The following AUH variants were observed in gnomAD, a reference collection of about 807,000 sequenced individuals.
AUH encodes the protein methylglutaconyl-CoA hydratase, mitochondrial.
A neutral mutation model predicts 42.3 loss-of-function variants in AUH; 29 were observed. That is an observed-to-expected ratio of 0.69 (90% CI 0.51 to 0.93). The LOEUF (loss-of-function observed/expected upper bound fraction) is 0.93. AUH is among the 40% of genes least tolerant of loss of function. The probability of loss-of-function intolerance (pLI) is 0.00; values close to 1 mark genes in which losing one functional copy is unlikely to be tolerated. For missense variants in AUH, 452 were observed against 438.1 expected, an observed-to-expected ratio of 1.03 and a Z score of -0.28; for synonymous variants, 174 against 166.4, an observed-to-expected ratio of 1.05 and a Z score of -0.35.
In AUH at chr9:91,292,664, C is replaced by T. The variant is rs372009928; in HGVS notation, c.655+3357G>A. ...ACACATTTAAATGCACGCATAAAAG[C>T]TTTAAAATATTTGTGTAATCCTTTA... On this transcript the variant is annotated intron_variant, in intron 6 of 9. Transcript: ENST00000375731. 1.6e-4 allele frequency among the ~76,000 whole-genome samples: 24 copies of T among 152,128 alleles called. No individual in the cohort carries two copies. In the East Asian group the frequency reaches 3.9e-3, roughly 25 times the overall value.
intron 3 of AUH, among the ~76,000 whole-genome samples, chr9:91,350,257 A>G (rs1399972830): frequency 6.6e-6 from 1 of 152,244 alleles, no homozygotes; most frequent in Non-Finnish European, 1.5e-5. Flanking sequence ...ATAAAATTTT[A>G]AGAACTTTAA....
intron 3 of AUH, among the ~76,000 whole-genome samples, chr9:91,349,212 G>A (rs1223728702): frequency 6.6e-6 from 1 of 152,238 alleles, no homozygotes; most frequent in Admixed American, 6.5e-5. Context: ...TTAGTGACAA[G>A]TCACTCTTTA....
intron 6 of AUH, among the ~76,000 whole-genome samples, chr9:91,271,929 G>A (rs1283458885): frequency 1.3e-5 from 2 of 152,150 alleles, no homozygotes; most frequent in African/African-American, 2.4e-5. Flanking sequence ...TGATCCACCC[G>A]CCTCGGCCTC....
rs757748207 is a variant in AUH at position 91,220,992 on chromosome 9, CCT to C, written c.656-2_656-1del. ...GGCGCGTGGCAATCGCTGTGTCCCCCCTGAGGGGTGAAAGAGAGAGAAAAGGC... is the reference window on the plus strand; with the variant it reads ...GGCGCGTGGCAATCGCTGTGTCCCCCGAGGGGTGAAAGAGAGAGAAAAGGC... On this transcript the variant is annotated splice_acceptor_variant, in intron 6 of 9. Transcript: ENST00000375731. LOFTEE classifies it high-confidence loss of function. 1.2e-5 allele frequency: 19 copies of C among 1,613,964 alleles called. No homozygotes were observed. The highest frequency in any genetic ancestry group is 1.1e-5 in the Non-Finnish European group (13 of 1,180,016).
rs1829588813 is a variant in AUH at position 91,321,715 on chromosome 9, T to C, written c.505+3603A>G. ...CAAACCTGTGAGCTAAGAATGGTTT[T>C]TACATTTTTAAATGCCTGGGGAAAA... On this transcript the variant is annotated intron_variant, in intron 4 of 9. Transcript: ENST00000375731. 2.0e-5 allele frequency among the ~76,000 whole-genome samples: 3 copies of C among 152,220 alleles called. No individual in the cohort carries two copies. The South Asian group carries it at 6.2e-4, about 31-fold the overall frequency.
intron 6 of AUH, among the ~76,000 whole-genome samples, chr9:91,269,043 C>T (rs183717179): frequency 1.3e-5 from 2 of 151,800 alleles, no homozygotes; most frequent in Admixed American, 6.6e-5. Flanking sequence ...CACAGTGGTG[C>T]GATCTTGGCT....
At chr9:91,325,485 A>AATCTAGTT in intron 3 of AUH, 81 bp from the exon 4 acceptor site, 1 of 1,142,178 alleles carries the variant, frequency 8.8e-7, no homozygotes, top group Non-Finnish European at 1.3e-6. Flanking sequence ...ACTTAAGATT[A>AATCTAGTT]GTATACAACT....
At chr9:91,266,892 T>C (rs1830006565) in intron 6 of AUH, among the ~76,000 whole-genome samples, 1 of 152,192 alleles carries the variant, frequency 6.6e-6, no homozygotes. Flanking sequence ...TTATAAAAAA[T>C]TATTAAACTG....
At chr9:91,355,420 G>A (rs1832329543) in intron 3 of AUH, among the ~76,000 whole-genome samples, 1 of 152,106 alleles carries the variant, frequency 6.6e-6, no homozygotes, top group African/African-American at 2.4e-5. Context: ...AGCTAGGCGA[G>A]GTGGCAGGCG....
intron 6 of AUH, among the ~76,000 whole-genome samples, chr9:91,255,100 G>A (rs183882221): frequency 1.1e-4 from 16 of 152,222 alleles, no homozygotes; most frequent in Non-Finnish European, 2.1e-4. Context: ...TTCTCATCTC[G>A]GCCAGAGGTT....
At chr9:91,249,327 C>T (rs1292170319) in intron 6 of AUH, among the ~76,000 whole-genome samples, 1 of 89,556 alleles carries the variant, frequency 1.1e-5, no homozygotes, top group Non-Finnish European at 2.3e-5. Flanking sequence ...AAAAAAAGAA[C>T]ACAATATTTC....
chr9:91,259,773 T>G (rs2131434924), intron 6 of AUH, among the ~76,000 whole-genome samples: 1 of 152,254 alleles, frequency 6.6e-6, no homozygotes, highest in South Asian at 2.1e-4. Context: ...CTAATTTAAT[T>G]CCACTGGTGT....
rs1051595442 is a variant in AUH at position 91,288,711 on chromosome 9, T to G, written c.655+7310A>C. ...CTACTTAAGGAGGTTCGATTTTGTT[T>G]TAATGTTTCCACATTCCTTCACGTC... On this transcript the variant is annotated intron_variant, in intron 6 of 9. Transcript: ENST00000375731. 1.1e-4 allele frequency among the ~76,000 whole-genome samples: 17 copies of G among 152,316 alleles called. No individual in the cohort carries two copies. In the South Asian group the frequency reaches 2.9e-3, roughly 26 times the overall value.
chr9:91,346,994 A>T (rs985778572), intron 3 of AUH, among the ~76,000 whole-genome samples: 7 of 152,118 alleles, frequency 4.6e-5, no homozygotes, highest in Admixed American at 1.3e-4. Context: ...AACCTCCTAG[A>T]AAATCAATGT....
intron 6 of AUH, among the ~76,000 whole-genome samples, chr9:91,260,454 C>A (rs1014240326): frequency 1.1e-4 from 16 of 152,084 alleles, no homozygotes; most frequent in African/African-American, 3.9e-4. Context: ...TCCATTCTAT[C>A]CTCACTACTG....
chr9:91,356,217 C>G lies in AUH; in HGVS notation c.263-62G>C, dbSNP rs942633262. On this transcript the variant is annotated intron_variant, in intron 1 of 9. Coordinates refer to ENST00000375731, the MANE Select transcript of AUH (RefSeq NM_001698.3). Reference sequence around the variant, plus strand: ...GAGCAAGGCATTCAGAGAACAGACTCTACATCACACATCTAGCTAGCTTCG... The same window carrying G: ...GAGCAAGGCATTCAGAGAACAGACTGTACATCACACATCTAGCTAGCTTCG... 4.7e-6 allele frequency: 6 copies of G among 1,289,996 alleles called. No homozygotes were observed. The African/African-American group carries it at 8.7e-5, about 19-fold the overall frequency. The allele number at this position is 1,289,996 out of a possible 1,614,324, so 79.9% of individuals were successfully genotyped here.
chr9:91,350,123 ATT>A (rs984157762), intron 3 of AUH, among the ~76,000 whole-genome samples: 7 of 152,206 alleles, frequency 4.6e-5, no homozygotes, highest in Admixed American at 6.5e-5. Context: ...ACTATGACAT[ATT>A]TTTATCTGTA....
chr9:91,289,322 A>G (rs1383826073), intron 6 of AUH, among the ~76,000 whole-genome samples: 1 of 152,176 alleles, frequency 6.6e-6, no homozygotes, highest in Non-Finnish European at 1.5e-5. Flanking sequence ...TTTTTCCACA[A>G]TATTTTCCCC....
intron 6 of AUH, among the ~76,000 whole-genome samples, chr9:91,223,137 T>G (rs1827229339): frequency 6.6e-6 from 1 of 152,128 alleles, no homozygotes; most frequent in Admixed American, 6.5e-5. Context: ...GGGCCTGCGG[T>G]GGAGGCTAGA....
Sources: gnomAD v4.1 joint callset for allele counts (sites outside exome capture counted in the v4.1 genomes callset) on GRCh38, gnomAD v4.1.1 for gene constraint, MANE v1.5 for transcripts, NCBI Gene and HGNC (gene_info 2026-07-23, HGNC 2026-07-21) for gene names.